Variants in SAMD12 observed in about 807,000 individuals in gnomAD.
SAMD12 encodes the protein sterile alpha motif domain containing 12, also known as sterile alpha motif domain-containing protein 12.
A neutral mutation model predicts 15.0 loss-of-function variants in SAMD12; 9 were observed. The ratio of observed to expected loss-of-function variants is 0.60; its 90% CI spans 0.36 to 1.05. SAMD12 has a LOEUF of 1.05. Ranked by LOEUF, SAMD12 falls within the 50% of genes least tolerant of loss-of-function variation. The pLI is 0.01. For missense variants in SAMD12, 230 were observed against 234.2 expected, an observed-to-expected ratio of 0.98 and a Z score of 0.12; for synonymous variants, 86 against 90.1, an observed-to-expected ratio of 0.96 and a Z score of 0.25.
intron 2 of SAMD12, among the ~76,000 whole-genome samples, chr8:118,506,416 A>G (rs2131053558): frequency 6.6e-6 from 1 of 152,260 alleles, no homozygotes; most frequent in Non-Finnish European, 1.5e-5. Flanking sequence ...AGCCATTTTG[A>G]AGGAGCCCAT....
intron 1 of SAMD12, among the ~76,000 whole-genome samples, chr8:118,588,411 T>A (rs1827503748): frequency 6.6e-6 from 1 of 152,212 alleles, no homozygotes. Context: ...TGCTGTTTGT[T>A]TTCATGTGGT....
At chr8:118,269,313 G>A (rs1813289419) in intron 4 of SAMD12, among the ~76,000 whole-genome samples, 1 of 151,090 alleles carries the variant, frequency 6.6e-6, no homozygotes, top group Non-Finnish European at 1.5e-5. Context: ...CGCTGTTTTT[G>A]AGAATGTTTT....
At chr8:118,268,730 C>G (rs1331420173) in intron 4 of SAMD12, among the ~76,000 whole-genome samples, 1 of 152,210 alleles carries the variant, frequency 6.6e-6, no homozygotes, top group Non-Finnish European at 1.5e-5. Flanking sequence ...ATGAGAATCA[C>G]TTGAACGTTG....
At chr8:118,482,087 G>C (rs908093728) in intron 2 of SAMD12, among the ~76,000 whole-genome samples, 2 of 152,178 alleles carry the variant, frequency 1.3e-5, no homozygotes, top group Non-Finnish European at 2.9e-5. Flanking sequence ...GATGCCAAAT[G>C]CCATCTGTTA....
chr8:118,399,528 T>C (rs1178880487), intron 3 of SAMD12, among the ~76,000 whole-genome samples: 2 of 151,924 alleles, frequency 1.3e-5, no homozygotes, highest in Admixed American at 6.6e-5. Flanking sequence ...AGGCAGGAGG[T>C]ATGAAGGTAC....
intron 3 of SAMD12, among the ~76,000 whole-genome samples, chr8:118,435,700 C>T (rs1303796238): frequency 6.6e-6 from 1 of 152,182 alleles, no homozygotes; most frequent in African/African-American, 2.4e-5. Flanking sequence ...TATAGTAGAA[C>T]TCTTTGTAAA....
intron 2 of SAMD12, among the ~76,000 whole-genome samples, chr8:118,573,261 T>C (rs1383483329): frequency 6.6e-6 from 1 of 152,128 alleles, no homozygotes; most frequent in African/African-American, 2.4e-5. Flanking sequence ...ATTTTTTGTA[T>C]TTTTAGTAGA....
In SAMD12 at chr8:118,561,793, A is replaced by G. The variant is rs1195559335; in HGVS notation, c.192+18922T>C. 2.0e-5 allele frequency among the ~76,000 whole-genome samples: 3 copies of G among 152,310 alleles called. 1 individual carries two copies. Among genetic ancestry groups the G allele is most frequent in the South Asian group, 4.1e-4 (2 of 4,824 alleles). ...GCCAAATCACATCAGTCTTAAAACTACCGTCGTCAATAAAAAAGAAGCCAA... is the reference window on the plus strand; with the variant it reads ...GCCAAATCACATCAGTCTTAAAACTGCCGTCGTCAATAAAAAAGAAGCCAA... On this transcript the variant is annotated intron_variant, in intron 2 of 3. Transcript: ENST00000314727.
In SAMD12 at chr8:118,605,645, C is replaced by T. The variant is rs549444403; in HGVS notation, c.13+16159G>A. Among the ~76,000 whole-genome samples, 10 of 151,618 alleles carry T rather than the reference C, an allele frequency of 6.6e-5. 1 individual carries two copies. Among genetic ancestry groups the T allele is most frequent in the South Asian group, 6.3e-4 (3 of 4,790 alleles). The stretch of plus-strand genomic sequence containing the variant: ...GAAATGGAGATATTTTCTAAGATGT[C>T]GCTATGAAATTTTTTTAAAGAAAGG... On this transcript the variant is annotated intron_variant, in intron 1 of 3. Coordinates refer to ENST00000314727, the MANE Select transcript of SAMD12 (RefSeq NM_207506.3).
At chr8:118,601,014 A>C (rs902508501) in intron 1 of SAMD12, among the ~76,000 whole-genome samples, 1 of 152,236 alleles carries the variant, frequency 6.6e-6, no homozygotes, top group Non-Finnish European at 1.5e-5. Flanking sequence ...CTCCAACTGA[A>C]GACCAAAAAA....
chr8:118,199,419 C>T (rs1392121894), intron 4 of SAMD12, among the ~76,000 whole-genome samples: 1 of 152,222 alleles, frequency 6.6e-6, no homozygotes, highest in Non-Finnish European at 1.5e-5. Flanking sequence ...GAAAGAACAA[C>T]ATTGATTTCT....
intron 2 of SAMD12, among the ~76,000 whole-genome samples, chr8:118,527,901 A>G (rs1004874736): frequency 3.9e-5 from 6 of 152,200 alleles, no homozygotes; most frequent in African/African-American, 1.4e-4. Context: ...ACTGACTGGT[A>G]TATCTTTCCA....
intron 2 of SAMD12, among the ~76,000 whole-genome samples, chr8:118,441,455 G>GT (rs5894431): frequency 0.7 from 105,021 of 149,244 alleles, 37,115 homozygotes; most frequent in African/African-American, 0.8. Context: ...ATGCTCAGGT[G>GT]TTTTTTTTTT....
chr8:118,260,488 G>A (rs1024398115), intron 4 of SAMD12, among the ~76,000 whole-genome samples: 19 of 152,092 alleles, frequency 1.2e-4, no homozygotes, highest in Non-Finnish European at 2.2e-4. Flanking sequence ...CAAGTATAGA[G>A]TATCCTGAGG....
chr8:118,548,384 TACACACACACACACACACAC>T (rs36228827), intron 2 of SAMD12, among the ~76,000 whole-genome samples: 1 of 139,800 alleles, frequency 7.2e-6, no homozygotes, highest in East Asian at 2.1e-4. Context: ...AAAACACACA[TACACACACACACACACACAC>T]ACACACACAC....
intron 2 of SAMD12, among the ~76,000 whole-genome samples, chr8:118,529,995 A>T (rs1825640798): frequency 6.6e-6 from 1 of 152,208 alleles, no homozygotes; most frequent in Non-Finnish European, 1.5e-5. Flanking sequence ...CATTTCCACC[A>T]ACAGCATATA....
intron 2 of SAMD12, among the ~76,000 whole-genome samples, chr8:118,511,647 G>C (rs1825084797): frequency 6.6e-6 from 1 of 152,074 alleles, no homozygotes; most frequent in South Asian, 2.1e-4. Context: ...TTAAAGTAAA[G>C]GGGGTAAAAG....
chr8:118,302,467 A>C (rs1815101623), intron 4 of SAMD12, among the ~76,000 whole-genome samples: 1 of 152,174 alleles, frequency 6.6e-6, no homozygotes, highest in African/African-American at 2.4e-5. Flanking sequence ...TAAAGGGCTA[A>C]ACTGAATATA....
chr8:118,552,640 T>C (rs551655053), intron 2 of SAMD12, among the ~76,000 whole-genome samples: 26 of 152,308 alleles, frequency 1.7e-4, no homozygotes, highest in Admixed American at 2.6e-4. Context: ...ATGCCCTCTC[T>C]CACCACTCCT....
Sources: gnomAD v4.1 joint callset for allele counts (sites outside exome capture counted in the v4.1 genomes callset) on GRCh38, gnomAD v4.1.1 for gene constraint, MANE v1.5 for transcripts, NCBI Gene and HGNC (gene_info 2026-07-23, HGNC 2026-07-21) for gene names.